The following ATG7 variants were observed in gnomAD, a reference collection of about 807,000 sequenced individuals.
ATG7 encodes ubiquitin-like modifier-activating enzyme ATG7.
A neutral mutation model predicts 82.4 loss-of-function variants in ATG7; 70 were observed. That is an observed-to-expected ratio of 0.85 (90% CI 0.70 to 1.04). The LOEUF (loss-of-function observed/expected upper bound fraction) is 1.04. ATG7 is among the 50% of genes least tolerant of loss of function. The probability of loss-of-function intolerance (pLI) is 0.00; values close to 1 mark genes in which losing one functional copy is unlikely to be tolerated. For missense variants in ATG7, 792 were observed against 864.3 expected, an observed-to-expected ratio of 0.92 and a Z score of 1.05; for synonymous variants, 287 against 313.0, an observed-to-expected ratio of 0.92 and a Z score of 0.88.
intron 19 of ATG7, among the ~76,000 whole-genome samples, chr3:11,402,189 TG>T (rs2079900193): frequency 6.6e-6 from 1 of 152,188 alleles, no homozygotes. Flanking sequence ...TCTCAGCATT[TG>T]GGAGGCCAAG....
chr3:11,538,900 T>C (rs1002232755), intron 20 of ATG7, among the ~76,000 whole-genome samples: 5 of 119,580 alleles, frequency 4.2e-5, no homozygotes, highest in African/African-American at 1.2e-4. Context: ...GAAAAAGCCC[T>C]TAGTAATTCT....
chr3:11,395,173 G>A (rs1258360323), intron 19 of ATG7, among the ~76,000 whole-genome samples: 2 of 152,074 alleles, frequency 1.3e-5, no homozygotes, highest in African/African-American at 2.4e-5. Context: ...GAGCAAATTA[G>A]TGAAATGGAA....
chr3:11,275,907 C>G (rs1236311918), intron 1 of ATG7, among the ~76,000 whole-genome samples: 3 of 152,158 alleles, frequency 2.0e-5, no homozygotes, highest in African/African-American at 7.2e-5. Context: ...TTGTCAGCCT[C>G]TCTTTGAGTG....
chr3:11,484,615 A>G (rs1333611679), intron 20 of ATG7, among the ~76,000 whole-genome samples: 8 of 152,156 alleles, frequency 5.3e-5, no homozygotes, highest in East Asian at 1.9e-4. Flanking sequence ...TTAGTTACAT[A>G]TGTATACATG....
chr3:11,441,480 G>T (rs2083955165), intron 20 of ATG7, among the ~76,000 whole-genome samples: 1 of 152,090 alleles, frequency 6.6e-6, no homozygotes, highest in Non-Finnish European at 1.5e-5. Flanking sequence ...GTGACCTCAT[G>T]ATCCACCCAC....
At chr3:11,484,603 GGTTA>G (rs1279604972) in intron 20 of ATG7, among the ~76,000 whole-genome samples, 1 of 152,004 alleles carries the variant, frequency 6.6e-6, no homozygotes, top group East Asian at 1.9e-4. Flanking sequence ...ACAATGTGCA[GGTTA>G]GTTACATATG....
At chr3:11,399,568 T>C (rs776321953) in intron 19 of ATG7, among the ~76,000 whole-genome samples, 16 of 151,094 alleles carry the variant, frequency 1.1e-4, no homozygotes, top group Admixed American at 7.9e-4. Context: ...CTCCCTCCCT[T>C]CCTTCCTTCC....
intron 9 of ATG7, among the ~76,000 whole-genome samples, chr3:11,328,312 G>T (rs1575476888): frequency 6.6e-6 from 1 of 152,116 alleles, no homozygotes; most frequent in African/African-American, 2.4e-5. Context: ...TTTTCCCTAG[G>T]CCTCATTTAG....
At chr3:11,552,286 A>T (rs1011883114) in intron 20 of ATG7, among the ~76,000 whole-genome samples, 1 of 152,202 alleles carries the variant, frequency 6.6e-6, no homozygotes, top group Non-Finnish European at 1.5e-5. Context: ...CAAATCTTTT[A>T]AAAAATATGG....
rs113569874 is a variant in ATG7 at position 11,423,471 on chromosome 3, T to A, written c.1957-3333T>A. On this transcript the variant is annotated intron_variant, in intron 19 of 20. Coordinates refer to ENST00000693202, the MANE Select transcript of ATG7 (RefSeq NM_001349232.2). The stretch of plus-strand genomic sequence containing the variant: ...AATGCGGGGTTGCCACAACTTTCAA[T>A]TTTTTTTTCTTTTGTAATCACTAAA... Among the ~76,000 whole-genome samples the A allele has an allele frequency of 2.2e-3, 328 of 150,662 alleles. 1 individual carries two copies. Among genetic ancestry groups the A allele is most frequent in the African/African-American group, 7.8e-3 (313 of 40,296 alleles).
intron 7 of ATG7, among the ~76,000 whole-genome samples, chr3:11,310,833 C>T (rs536739817): frequency 9.5e-4 from 145 of 151,970 alleles, no homozygotes; most frequent in Non-Finnish European, 1.7e-3. Context: ...GGGGTTTCAC[C>T]GTGTTAGCCA....
At chr3:11,493,308 T>C (rs1292877988) in intron 20 of ATG7, among the ~76,000 whole-genome samples, 1 of 152,140 alleles carries the variant, frequency 6.6e-6, no homozygotes, top group Non-Finnish European at 1.5e-5. Flanking sequence ...AAGTCGCCTC[T>C]CCCCAACATC....
At chr3:11,540,415 T>A (rs1391649216) in intron 20 of ATG7, among the ~76,000 whole-genome samples, 1 of 152,204 alleles carries the variant, frequency 6.6e-6, no homozygotes, top group Non-Finnish European at 1.5e-5. Flanking sequence ...CGGGTTGTTA[T>A]ATCTTATTGA....
Position 11,333,659 on chromosome 3 carries a change from C to CAT in ATG7, c.889+575_889+576dup, listed in dbSNP as rs1166535185. ...GTGTGTGTGTGTATATATATATACA[C>CAT]ATATATATATTTACATATGTCACAG... is the stretch of plus-strand genomic sequence containing the variant. On this transcript the variant is annotated intron_variant, in intron 11 of 20. Transcript: ENST00000693202. Among the ~76,000 whole-genome samples, 6 of 150,548 alleles carry CAT rather than the reference C, an allele frequency of 4.0e-5. 1 individual carries two copies. Among genetic ancestry groups the CAT allele is most frequent in the Admixed American group, 4.0e-4 (6 of 15,074 alleles).
intron 20 of ATG7, among the ~76,000 whole-genome samples, chr3:11,548,954 T>C (rs574631214): frequency 1.3e-5 from 2 of 152,374 alleles, no homozygotes; most frequent in South Asian, 4.1e-4. Context: ...CTGCAGGGGT[T>C]GGACTGCTCT....
intron 3 of ATG7, among the ~76,000 whole-genome samples, chr3:11,292,238 T>TTTTC (rs1245171074): frequency 1.4e-4 from 22 of 151,894 alleles, no homozygotes; most frequent in Non-Finnish European, 2.1e-4. Flanking sequence ...GAATTTATTT[T>TTTTC]TTTCTTTCTT....
chr3:11,401,015 G>A (rs114881311), intron 19 of ATG7, among the ~76,000 whole-genome samples: 269 of 152,308 alleles, frequency 1.8e-3, no homozygotes, highest in African/African-American at 6.3e-3. Context: ...TGCTTAATGG[G>A]TTGAATCCCA....
At chr3:11,544,412 C>T (rs1398220347) in intron 20 of ATG7, among the ~76,000 whole-genome samples, 1 of 152,204 alleles carries the variant, frequency 6.6e-6, no homozygotes, top group African/African-American at 2.4e-5. Flanking sequence ...CTTTTTCTGA[C>T]CAGCCCCAAT....
At chr3:11,562,047 A>C (rs1378098398), downstream of ATG7, among the ~76,000 whole-genome samples, 1 of 151,838 alleles carries the variant, frequency 6.6e-6, no homozygotes, top group African/African-American at 2.4e-5. Flanking sequence ...ACAGGCACCC[A>C]CCACCACGCC....
Sources: allele counts gnomAD v4.1 joint callset (sites outside exome capture counted in the v4.1 genomes callset), GRCh38; gene constraint gnomAD v4.1.1; transcripts MANE v1.5; gene names NCBI Gene and HGNC (gene_info 2026-07-23, HGNC 2026-07-21).